Variants in GPR153 observed in about 807,000 individuals in gnomAD.
The protein encoded by GPR153 is G protein-coupled receptor 153, also known as probable G protein-coupled receptor 153.
In GPR153, 27 loss-of-function variants were observed where a neutral mutation model predicts 34.1. That is an observed-to-expected ratio of 0.79 (90% CI 0.58 to 1.09). The LOEUF (loss-of-function observed/expected upper bound fraction) is 1.09, where lower values mean the gene tolerates loss of function less well. Among genes scored for constraint, GPR153 ranks in the 50% least tolerant of loss-of-function variants. The probability of loss-of-function intolerance (pLI) is 0.00; values close to 1 mark genes in which losing one functional copy is unlikely to be tolerated. For missense variants in GPR153, 848 were observed against 860.2 expected, an observed-to-expected ratio of 0.99 and a Z score of 0.18; for synonymous variants, 408 against 405.4, an observed-to-expected ratio of 1.01 and a Z score of -0.08.
intron 1 of GPR153, among the ~76,000 whole-genome samples, chr1:6,257,917 C>A (rs1638598227): frequency 6.6e-6 from 1 of 152,224 alleles, no homozygotes; most frequent in Non-Finnish European, 1.5e-5. Flanking sequence ...CTTAACTGGC[C>A]CTTCTTACCC....
intron 1 of GPR153, among the ~76,000 whole-genome samples, chr1:6,258,662 T>C (rs1638612115): frequency 6.6e-6 from 1 of 152,136 alleles, no homozygotes; most frequent in South Asian, 2.1e-4. Context: ...CCAGTGGTCT[T>C]TACGCTCTCA....
Position 6,254,779 on chromosome 1 carries a change from C to G in GPR153, c.127G>C (p.Glu43Gln). The stretch of plus-strand genomic sequence containing the variant: ...GCCGCGAGTGTACACAGCAGGAACT[C>G]CAAGGGCTTCCACTTCTTCTGCTTG... ...GAKQKKWKPLEFLLCTLAATH... is the reference protein window; with the variant it reads ...GAKQKKWKPLQFLLCTLAATH... The change falls in exon 2 of 6, where the codon GAG (glutamate) becomes CAG (glutamine). Residue 43 changes from glutamate (E) to glutamine (Q), a missense_variant. Physicochemically the swap from Glu to Gln is conservative, Grantham distance 29. Coordinates refer to ENST00000377893, the MANE Select transcript of GPR153 (RefSeq NM_207370.4). 1.2e-6 allele frequency: 2 copies of G among 1,613,722 alleles called. No individual in the cohort carries two copies. The highest frequency in any genetic ancestry group is 1.7e-6 in the Non-Finnish European group (2 of 1,179,950).
In GPR153 at chr1:6,249,404, C is replaced by T. The variant is rs1273273717; in HGVS notation, c.1764G>A (p.Leu588=). ...AGCCCGAGGACTCGGAGGGGGAACTCAGGAAGCTGCTGGTGCTGCCGCCGC... is the reference window on the plus strand; with the variant it reads ...AGCCCGAGGACTCGGAGGGGGAACTTAGGAAGCTGCTGGTGCTGCCGCCGC... The part of the protein sequence containing the change: ...AGGGGSTSSF[L]SSPSESSGYA... Residue 588 remains leucine (L), a synonymous_variant, in exon 6 of 6, where the codon CTG becomes CTA. Transcript: ENST00000377893. The surrounding 1 kb of genome is among the most constrained non-coding windows in gnomAD (Gnocchi z 4.3). The T allele has an allele frequency of 2.0e-5, 28 of 1,381,188 alleles. No individual in the cohort carries two copies. The highest frequency in any genetic ancestry group is 1.5e-5 in the African/African-American group (1 of 65,976). The allele number at this position is 1,381,188 out of a possible 1,614,324, so 85.6% of individuals were successfully genotyped here. A position where few individuals can be genotyped will look rare whatever the true frequency, so the allele number is the denominator to read the frequency against.
rs149182010 is a variant in GPR153, at chr1:6,253,824, C to T, written c.680G>A (p.Arg227His). 132 of 1,591,402 alleles carry T rather than the reference C, an allele frequency of 8.3e-5. No individual in the cohort carries two copies. The highest frequency in any genetic ancestry group is 1.1e-4 in the Non-Finnish European group (123 of 1,166,138). Reference sequence around the variant, plus strand: ...GGGCTCCGAGCCATCGATGGAGGAGCGCCGCTTGCCCTGCGCGTCCTCCAC... The same window carrying T: ...GGGCTCCGAGCCATCGATGGAGGAGTGCCGCTTGCCCTGCGCGTCCTCCAC... The part of the protein sequence containing the change: ...IVVEDAQGKR[R>H]SSIDGSEPAK... Residue 227 changes from arginine (R) to histidine (H), a missense_variant, in exon 3 of 6, where the codon CGC (arginine) becomes CAC (histidine). Arg to His is a conservative substitution (Grantham distance 29). Transcript: ENST00000377893.
At chr1:6,259,132 G>A (rs1473318812) in intron 1 of GPR153, among the ~76,000 whole-genome samples, 1 of 152,244 alleles carries the variant, frequency 6.6e-6, no homozygotes, top group Non-Finnish European at 1.5e-5. Context: ...GTAGTGGTGT[G>A]AGCCTATAGT....
In GPR153 at chr1:6,254,697, C is replaced by T. The variant is rs138377041; in HGVS notation, c.209G>A (p.Arg70Gln). The T allele has an allele frequency of 7.4e-6, 12 of 1,613,698 alleles. No homozygotes were observed. The African/African-American group carries it at 8.0e-5, about 11-fold the overall frequency. ...PIATYSVVQL[R>Q]RQRPDFEWNE... ...CCACTCGAAGTCGGGGCGCTGCCGC[C>T]GCAGCTGCACCACGGAGTAGGTGGC... The change falls in exon 2 of 6, where the codon CGG becomes CAG. Residue 70 changes from arginine to glutamine, a missense_variant. Transcript: ENST00000377893.
chr1:6,247,782 G>A lies in GPR153; in HGVS notation c.*1556C>T, dbSNP rs979841824. The A allele has an allele frequency of 1.3e-5, 2 of 152,326 alleles. No individual in the cohort carries two copies. The highest frequency in any genetic ancestry group is 4.8e-5 in the African/African-American group (2 of 41,472). 9.4% of individuals were successfully genotyped at this position (152,326 alleles called of 1,614,324 possible). ...TGAAGGCACAGCAGCATTGGCCAGA[G>A]ATGGCCCCTCCCGCGGCCAGGGCTG... On this transcript the variant is annotated 3_prime_UTR_variant, in exon 6 of 6. Transcript: ENST00000377893.
Position 6,260,939 on chromosome 1 carries a change from G to A in GPR153, c.-224C>T, listed in dbSNP as rs1217357103. ...CCGAGGGCCGCGGGGGTGGCTGGCGGCGGAGCGGCCCGCGGGCCGGGGCAT... is the reference window on the plus strand; with the variant it reads ...CCGAGGGCCGCGGGGGTGGCTGGCGACGGAGCGGCCCGCGGGCCGGGGCAT... On this transcript the variant is annotated 5_prime_UTR_variant, in exon 1 of 6. Coordinates refer to ENST00000377893, the MANE Select transcript of GPR153 (RefSeq NM_207370.4). 7 of 146,532 alleles carry A rather than the reference G, an allele frequency of 4.8e-5. No individual in the cohort carries two copies. The highest frequency in any genetic ancestry group is 1.1e-4 in the Non-Finnish European group (7 of 65,998). The allele number at this position is 146,532 out of a possible 1,614,324, so 9.1% of individuals were successfully genotyped here.
At chr1:6,257,027 C>T (rs1273013525) in intron 1 of GPR153, among the ~76,000 whole-genome samples, 8 of 152,314 alleles carry the variant, frequency 5.3e-5, no homozygotes, top group Admixed American at 5.2e-4. Context: ...CCCTCACTTC[C>T]GTCCACTCCT....
In GPR153 at chr1:6,251,345, T is replaced by G. The variant is rs139387036; in HGVS notation, c.972A>C (p.Ser324=). ...CTCTCAGGCCATCCTCACCATCGTCTGACTCCTCGTCGTTGGCCATGAGGG... is the reference window on the plus strand; with the variant it reads ...CTCTCAGGCCATCCTCACCATCGTCGGACTCCTCGTCGTTGGCCATGAGGG... ...CMALMANDEE[S]DDETSLEGGI... Residue 324 remains serine (S), a synonymous_variant, in exon 4 of 6, where the codon TCA becomes TCC. Coordinates refer to ENST00000377893, the MANE Select transcript of GPR153 (RefSeq NM_207370.4). The surrounding 1 kb of genome is among the most constrained non-coding windows in gnomAD (Gnocchi z 4.9). 1 of 1,604,450 alleles carries G rather than the reference T, an allele frequency of 6.2e-7. No homozygotes were observed. Among genetic ancestry groups the G allele is most frequent in the Non-Finnish European group, 8.5e-7 (1 of 1,174,020 alleles).
Position 6,250,478 on chromosome 1 carries a change from G to A in GPR153, c.1126C>T (p.Leu376=), listed in dbSNP as rs1490724265. The change falls in exon 5 of 6, where the codon CTG becomes TTG. Residue 376 remains leucine, a synonymous_variant. Coordinates refer to ENST00000377893, the MANE Select transcript of GPR153 (RefSeq NM_207370.4). ...ATCTTGTCCTCCTGCAAGGGCCGCA[G>A]TGGGTAGAGCTGGGGCAGGCCCCCC... The part of the protein sequence containing the change: ...LEGGLPQLYP[L]RPLQEDKMQY... 1 of 1,609,668 alleles carries A rather than the reference G, an allele frequency of 6.2e-7. No homozygotes were observed. Among genetic ancestry groups the A allele is most frequent in the African/African-American group, 1.3e-5 (1 of 74,906 alleles).
intron 1 of GPR153, among the ~76,000 whole-genome samples, chr1:6,259,497 A>ATTTTTT (rs3035676): frequency 4.1e-4 from 59 of 144,182 alleles, no homozygotes; most frequent in African/African-American, 1.5e-3. Context: ...GGAAAAGGGC[A>ATTTTTT]TTTTTTTTTT....
Position 6,254,896 on chromosome 1 carries a change from C to T in GPR153, c.10G>A (p.Glu4Lys), listed in dbSNP as rs935451184. The T allele has an allele frequency of 1.9e-6, 3 of 1,568,204 alleles. No homozygotes were observed. Among genetic ancestry groups the T allele is most frequent in the Non-Finnish European group, 2.6e-6 (3 of 1,156,124 alleles). Reference protein sequence around the residue: MSDERRLPGSAVGW... With the variant: MSDKRRLPGSAVGW... ...ACTGCACTGCCAGGCAGCCGCCGCT[C>T]ATCACTCATGGTGCAGACCGGAGCT... is the stretch of plus-strand genomic sequence containing the variant. The change falls in exon 2 of 6, where the codon GAG (glutamate) becomes AAG (lysine). Residue 4 changes from glutamate to lysine, a missense_variant. By Grantham distance (56) the Glu-to-Lys change is moderately conservative. Transcript: ENST00000377893.
chr1:6,258,112 C>G (rs1638601966), intron 1 of GPR153, among the ~76,000 whole-genome samples: 1 of 152,184 alleles, frequency 6.6e-6, no homozygotes, highest in Non-Finnish European at 1.5e-5. Context: ...CAGCCAGCAG[C>G]TGGCAAGCCT....
chr1:6,251,052 G>A lies in GPR153; in HGVS notation c.979+286C>T, dbSNP rs1244099969. 6.6e-6 allele frequency among the ~76,000 whole-genome samples: 1 copy of A among 152,140 alleles called. No individual in the cohort carries two copies. The highest frequency in any genetic ancestry group is 2.4e-5 in the African/African-American group (1 of 41,422). ...TCCCTGAGGTTGGGGGGTGAGCCCA[G>A]GAGCTCCGCTGGAGCACTTGCAGAC... On this transcript the variant is annotated intron_variant, in intron 4 of 5. Coordinates refer to ENST00000377893, the MANE Select transcript of GPR153 (RefSeq NM_207370.4). This position sits in a 1 kb window ranked among gnomAD's most constrained non-coding sequence, Gnocchi z 4.9.
In GPR153 at chr1:6,249,772, A is replaced by AGGGCCGC. The variant is rs1430003260; in HGVS notation, c.1389_1395dup (p.Ser466AlafsTer7). On this transcript the variant is annotated frameshift_variant, in exon 6 of 6. Transcript: ENST00000377893. LOFTEE classifies it low-confidence loss of function (END_TRUNC). This position sits in a 1 kb window ranked among gnomAD's most constrained non-coding sequence, Gnocchi z 4.3. ...CCCCGCGGGCCGCTATCCAGGGCCG[A>AGGGCCGC]GGGCCGCAGCGACAGCAGGCTCTCG... 8.7e-7 allele frequency: 1 copy of AGGGCCGC among 1,147,484 alleles called. No homozygotes were observed. Among genetic ancestry groups the AGGGCCGC allele is most frequent in the Non-Finnish European group, 1.1e-6 (1 of 936,418 alleles). 71.1% of individuals were successfully genotyped at this position (1,147,484 alleles called of 1,614,324 possible). A position where few individuals can be genotyped will look rare whatever the true frequency, so the allele number is the denominator to read the frequency against.
rs74626631 is a variant in GPR153 at position 6,254,683 on chromosome 1, C to T, written c.223G>A (p.Asp75Asn). 8.7e-4 allele frequency: 1,403 copies of T among 1,613,478 alleles called. 13 individuals are homozygous for T. The African/African-American group carries it at 0.017, about 19-fold the overall frequency. ...CAGAGACCCTCATTCCACTCGAAGT[C>T]GGGGCGCTGCCGCCGCAGCTGCACC... Reference protein sequence around the residue: ...SVVQLRRQRPDFEWNEGLCKV... With the variant: ...SVVQLRRQRPNFEWNEGLCKV... The change falls in exon 2 of 6, where the codon GAC becomes AAC. Residue 75 changes from aspartate (D) to asparagine (N), a missense_variant. Coordinates refer to ENST00000377893, the MANE Select transcript of GPR153 (RefSeq NM_207370.4).
intron 1 of GPR153, among the ~76,000 whole-genome samples, chr1:6,257,492 C>A (rs1268404936): frequency 4.6e-5 from 7 of 152,226 alleles, no homozygotes; most frequent in Non-Finnish European, 7.3e-5. Context: ...GTCCCTGCAC[C>A]TTCTCCTCTA....
Position 6,251,411 on chromosome 1 carries a change from G to T in GPR153, c.906C>A (p.Arg302=), listed in dbSNP as rs1273029443. Reference sequence around the variant, plus strand: ...GGACAGCTTTGAGGTCAGCCCGGTAGCGGTCGCAGGCCCAGAGGAACACAG... The same window carrying T: ...GGACAGCTTTGAGGTCAGCCCGGTATCGGTCGCAGGCCCAGAGGAACACAG... ...LLPVFLWACD[R]YRADLKAVRE... The change falls in exon 4 of 6, where the codon CGC becomes CGA. Residue 302 remains arginine, a synonymous_variant. Transcript: ENST00000377893. The surrounding 1 kb of genome is among the most constrained non-coding windows in gnomAD (Gnocchi z 4.9). The T allele has an allele frequency of 1.9e-6, 3 of 1,613,498 alleles. No homozygotes were observed. The highest frequency in any genetic ancestry group is 2.5e-6 in the Non-Finnish European group (3 of 1,179,966).
Sources: gnomAD v4.1 joint callset for allele counts (sites outside exome capture counted in the v4.1 genomes callset) on GRCh38, gnomAD v4.1.1 for gene constraint, Gnocchi (gnomAD v3.1) non-coding constraint, MANE v1.5 for transcripts, NCBI Gene and HGNC (gene_info 2026-07-23, HGNC 2026-07-21) for gene names.